The following CPQ variants were observed in gnomAD, a reference collection of about 807,000 sequenced individuals.
CPQ encodes the protein carboxypeptidase Q, also known as Ser-Met dipeptidase.
A neutral mutation model predicts 45.7 loss-of-function variants in CPQ; 37 were observed. That is an observed-to-expected ratio of 0.81 (90% CI 0.62 to 1.07). The LOEUF is 1.07. Among genes scored for constraint, CPQ ranks in the 50% least tolerant of loss-of-function variants. The pLI, the probability that CPQ is intolerant of heterozygous loss-of-function variation, is 0.00. For missense variants in CPQ, 537 were observed against 572.9 expected, an observed-to-expected ratio of 0.94 and a Z score of 0.64; for synonymous variants, 186 against 205.8, an observed-to-expected ratio of 0.90 and a Z score of 0.82.
At chr8:97,119,510 A>AAGAT (rs895542089) in intron 7 of CPQ, among the ~76,000 whole-genome samples, 1 of 151,916 alleles carries the variant, frequency 6.6e-6, no homozygotes, top group African/African-American at 2.4e-5. Context: ...AAATGTTGTT[A>AAGAT]AGATAGATAA....
chr8:97,065,973 A>C, intron 6 of CPQ, 36 bp from the exon 7 acceptor site: 1 of 1,596,334 alleles, frequency 6.3e-7, no homozygotes. Flanking sequence ...CACTGAAGCA[A>C]CAGATAAGAA....
chr8:96,976,607 A>C (rs1813792590), intron 5 of CPQ, among the ~76,000 whole-genome samples: 1 of 152,180 alleles, frequency 6.6e-6, no homozygotes, highest in Non-Finnish European at 1.5e-5. Context: ...CTAAACTATA[A>C]GGCCTTAGAC....
chr8:96,821,126 A>AT (rs572906188), intron 2 of CPQ, among the ~76,000 whole-genome samples: 212 of 60,932 alleles, frequency 3.5e-3, no homozygotes, highest in South Asian at 5.2e-3. Flanking sequence ...TTTAATCTGA[A>AT]TTTTTTTTTT....
At chr8:96,694,039 C>T (rs111553549) in intron 1 of CPQ, among the ~76,000 whole-genome samples, 3,692 of 152,114 alleles carry the variant, frequency 0.024, 163 homozygotes, top group African/African-American at 0.084. Flanking sequence ...GTTAAGTCAC[C>T]AGTTTAAAAT....
At chr8:97,084,486 G>C (rs1007505529) in intron 7 of CPQ, among the ~76,000 whole-genome samples, 1 of 152,092 alleles carries the variant, frequency 6.6e-6, no homozygotes, top group African/African-American at 2.4e-5. Flanking sequence ...CAATTAAGCA[G>C]AATGCCACAT....
At chr8:96,873,343 G>A (rs1469098983) in intron 3 of CPQ, among the ~76,000 whole-genome samples, 1 of 151,222 alleles carries the variant, frequency 6.6e-6, no homozygotes, top group Non-Finnish European at 1.5e-5. Context: ...TGTGGGAGTT[G>A]GGAATATTTT....
intron 1 of CPQ, among the ~76,000 whole-genome samples, chr8:96,726,305 G>T (rs1479983511): frequency 1.3e-5 from 2 of 152,076 alleles, no homozygotes; most frequent in Non-Finnish European, 2.9e-5. Flanking sequence ...ATGAATTAAT[G>T]GATTAATGGT....
At chr8:97,140,009 A>AT (rs1473423742) in intron 7 of CPQ, among the ~76,000 whole-genome samples, 2 of 137,662 alleles carry the variant, frequency 1.5e-5, no homozygotes, top group Non-Finnish European at 3.1e-5. Flanking sequence ...TGCAAGCAAG[A>AT]TTTAAAAAAA....
rs146775403 is a variant in CPQ, at chr8:97,118,790, A to C, written c.1256-24230A>C. Among the ~76,000 whole-genome samples the C allele has an allele frequency of 1.7e-3, 257 of 152,290 alleles. 1 individual carries two copies. Among genetic ancestry groups the C allele is most frequent in the African/African-American group, 5.9e-3 (247 of 41,566 alleles). On this transcript the variant is annotated intron_variant, in intron 7 of 7. Transcript: ENST00000220763. ...GTGTATATATGTTATATATAGGTAC[A>C]CACACATATGTGCTATATATAGCAT...
At chr8:96,999,421 T>C (rs1383489925) in intron 5 of CPQ, among the ~76,000 whole-genome samples, 2 of 151,910 alleles carry the variant, frequency 1.3e-5, no homozygotes, top group African/African-American at 4.8e-5. Context: ...CCCTAGTGTA[T>C]TTTGTTCCCC....
intron 5 of CPQ, among the ~76,000 whole-genome samples, chr8:96,994,691 G>A (rs1057492879): frequency 6.6e-6 from 1 of 151,996 alleles, no homozygotes; most frequent in African/African-American, 2.4e-5. Flanking sequence ...CCAATTATTA[G>A]GTGATGACAT....
At chr8:96,840,623 G>A (rs945963061) in intron 3 of CPQ, among the ~76,000 whole-genome samples, 2 of 152,142 alleles carry the variant, frequency 1.3e-5, no homozygotes, top group Non-Finnish European at 2.9e-5. Context: ...TGGCCATTGT[G>A]CATAGCATGC....
chr8:96,876,664 T>C (rs1398678866), intron 3 of CPQ, among the ~76,000 whole-genome samples: 1 of 152,206 alleles, frequency 6.6e-6, no homozygotes, highest in African/African-American at 2.4e-5. Context: ...GAAATACTTT[T>C]TCAGCATCTG....
chr8:96,776,455 A>G (rs181552368), intron 1 of CPQ, among the ~76,000 whole-genome samples: 1 of 152,316 alleles, frequency 6.6e-6, no homozygotes, highest in East Asian at 1.9e-4. Context: ...TCAGGCTTTA[A>G]ATCTTAGTCT....
At chr8:97,058,598 G>A (rs1380644841) in intron 6 of CPQ, among the ~76,000 whole-genome samples, 1 of 152,152 alleles carries the variant, frequency 6.6e-6, no homozygotes, top group Non-Finnish European at 1.5e-5. Context: ...AAGACTGACA[G>A]ATAACCTGTT....
At chr8:96,657,257 A>G (rs1275788681) in intron 1 of CPQ, among the ~76,000 whole-genome samples, 1 of 152,034 alleles carries the variant, frequency 6.6e-6, no homozygotes, top group Non-Finnish European at 1.5e-5. Context: ...AGGCAGGAGA[A>G]TCACTTGAAC....
intron 7 of CPQ, among the ~76,000 whole-genome samples, chr8:97,090,279 C>T (rs568874067): frequency 2.0e-5 from 3 of 152,206 alleles, no homozygotes; most frequent in South Asian, 4.1e-4. Context: ...TCCCTCCTAC[C>T]CACATAATTC....
At chr8:96,853,948 C>A (rs943942126) in intron 3 of CPQ, among the ~76,000 whole-genome samples, 3 of 152,180 alleles carry the variant, frequency 2.0e-5, no homozygotes, top group African/African-American at 7.2e-5. Context: ...CTGAGCCAGC[C>A]TAATAGCTAT....
chr8:96,952,204 T>C (rs532815610), intron 4 of CPQ, among the ~76,000 whole-genome samples: 3 of 152,110 alleles, frequency 2.0e-5, no homozygotes, highest in South Asian at 4.1e-4. Context: ...AAGTAGCTTC[T>C]GCCCCATCTT....
Sources: gnomAD v4.1 joint callset for allele counts (sites outside exome capture counted in the v4.1 genomes callset) on GRCh38, gnomAD v4.1.1 for gene constraint, MANE v1.5 for transcripts, NCBI Gene and HGNC (gene_info 2026-07-23, HGNC 2026-07-21) for gene names.